The following ASPH variants were observed in gnomAD, a reference collection of about 807,000 sequenced individuals.
ASPH encodes the protein aspartyl/asparaginyl beta-hydroxylase.
Under a neutral mutation model 118.4 loss-of-function variants are expected in ASPH, and 100 were observed. The observed-to-expected ratio is 0.84, with a 90% CI of 0.72 to 1.00. The LOEUF is 1.00. Ranked by LOEUF, ASPH falls within the 50% of genes least tolerant of loss-of-function variation. The pLI is 0.00. For missense variants in ASPH, 920 were observed against 919.5 expected (o/e 1.00, Z -0.01); for synonymous variants, 315 against 325.6 (o/e 0.97, Z 0.35).
chr8:61,657,239 C>T (rs1563424236), intron 3 of ASPH: 1 of 152,128 alleles, frequency 6.6e-6, no homozygotes, highest in Non-Finnish European at 1.5e-5. Flanking sequence ...GTAAGTTACA[C>T]GTGTGTTTCG....
In ASPH at chr8:61,501,665, G is replaced by A. The variant is rs749891075; in HGVS notation, c.*1694C>T. The A allele has an allele frequency of 1.9e-4, 29 of 152,062 alleles. No individual in the cohort carries two copies. The highest frequency in any genetic ancestry group is 3.7e-4 in the Non-Finnish European group (25 of 68,014). 9.4% of individuals were successfully genotyped at this position (152,062 alleles called of 1,614,324 possible). ...TTTCAAGAGTTTGCCTTCTCTTCTC[G>A]ATTTTAGTAATTAATTTGGATATTT... On this transcript the variant is annotated 3_prime_UTR_variant, in exon 25 of 25. Transcript: ENST00000379454.
At chr8:61,612,299 G>C (rs1847649190) in intron 14 of ASPH, among the ~76,000 whole-genome samples, 1 of 150,198 alleles carries the variant, frequency 6.7e-6, no homozygotes, top group African/African-American at 2.4e-5. Flanking sequence ...GCAGAAGAAA[G>C]AATCACTGGA....
rs571074044 is a variant in ASPH, at chr8:61,704,244, C to T, written c.103+10025G>A. Among the ~76,000 whole-genome samples the T allele has an allele frequency of 5.9e-3, 712 of 120,668 alleles. 8 individuals are homozygous for T. Among genetic ancestry groups the T allele is most frequent in the African/African-American group, 0.021 (668 of 31,816 alleles). 79.2% of individuals were successfully genotyped at this position (120,668 alleles called of 152,430 possible). A position where few individuals can be genotyped will look rare whatever the true frequency, so the allele number is the denominator to read the frequency against. On this transcript the variant is annotated intron_variant, in intron 1 of 24. Transcript: ENST00000379454. ...AAAAAAAAAAAAAAACAGAGGGGCTCAGAAACAGATTTATACTTACACTGT... is the reference window on the plus strand; with the variant it reads ...AAAAAAAAAAAAAAACAGAGGGGCTTAGAAACAGATTTATACTTACACTGT...
At chr8:61,586,561 C>T (rs983383920) in intron 14 of ASPH, among the ~76,000 whole-genome samples, 9 of 152,164 alleles carry the variant, frequency 5.9e-5, no homozygotes, top group African/African-American at 2.2e-4. Context: ...TTAGCACTCA[C>T]TCTGCGCCAG....
intron 18 of ASPH, among the ~76,000 whole-genome samples, chr8:61,561,597 T>A (rs1394051947): frequency 6.6e-6 from 1 of 152,192 alleles, no homozygotes; most frequent in Non-Finnish European, 1.5e-5. Flanking sequence ...TACCAGAGTA[T>A]GAAACTGCTG....
intron 14 of ASPH, among the ~76,000 whole-genome samples, chr8:61,587,451 C>T (rs1772472748): frequency 6.6e-6 from 1 of 152,200 alleles, no homozygotes; most frequent in South Asian, 2.1e-4. Context: ...GCCTGGTGTG[C>T]AGCTGAGTAG....
intron 19 of ASPH, among the ~76,000 whole-genome samples, chr8:61,554,912 C>T (rs1449886600): frequency 2.0e-5 from 3 of 152,088 alleles, no homozygotes; most frequent in Non-Finnish European, 2.9e-5. Context: ...GGGAATCTCA[C>T]TAGGTTGCCT....
intron 1 of ASPH, 148 bp from the exon 2 acceptor site, chr8:61,684,336 C>A (rs1376337826): frequency 1.2e-6 from 1 of 819,590 alleles, no homozygotes; most frequent in Non-Finnish European, 1.8e-6. Context: ...AAACACGTCA[C>A]ACAAAATATT....
At chr8:61,618,057 T>A (rs959160072) in intron 14 of ASPH, among the ~76,000 whole-genome samples, 14 of 152,080 alleles carry the variant, frequency 9.2e-5, no homozygotes, top group African/African-American at 3.1e-4. Flanking sequence ...CCTCAACTTT[T>A]TAAACTATAT....
intron 21 of ASPH, among the ~76,000 whole-genome samples, chr8:61,540,026 G>A (rs1027069886): frequency 1.3e-5 from 2 of 152,036 alleles, no homozygotes; most frequent in African/African-American, 4.8e-5. Flanking sequence ...AAGGCACTTG[G>A]TGCTTTGATA....
intron 1 of ASPH, among the ~76,000 whole-genome samples, chr8:61,705,261 G>A (rs1296275829): frequency 6.6e-6 from 1 of 152,110 alleles, no homozygotes; most frequent in Non-Finnish European, 1.5e-5. Context: ...GAGGGTGGGA[G>A]GAAGGTGCAG....
At chr8:61,542,258 C>A (rs1433665284) in intron 21 of ASPH, among the ~76,000 whole-genome samples, 1 of 152,164 alleles carries the variant, frequency 6.6e-6, no homozygotes, top group Non-Finnish European at 1.5e-5. Flanking sequence ...TCTTGTTATT[C>A]ATTTTTAATG....
intron 1 of ASPH, among the ~76,000 whole-genome samples, chr8:61,694,839 G>A (rs777240697): frequency 3.3e-5 from 5 of 152,032 alleles, no homozygotes; most frequent in South Asian, 2.1e-4. Flanking sequence ...CTCAAATTCC[G>A]CATATACACA....
intron 15 of ASPH, among the ~76,000 whole-genome samples, chr8:61,577,945 T>C (rs1174107029): frequency 6.6e-6 from 1 of 152,126 alleles, no homozygotes; most frequent in Non-Finnish European, 1.5e-5. Flanking sequence ...CAAAACACAA[T>C]CATGCCTTTA....
At chr8:61,665,887 G>A (rs771680560) in intron 3 of ASPH, among the ~76,000 whole-genome samples, 8 of 152,024 alleles carry the variant, frequency 5.3e-5, no homozygotes, top group Non-Finnish European at 1.2e-4. Flanking sequence ...TTATAAAATT[G>A]AGGGCACCAC....
At chr8:61,510,906 A>C (rs752603345) in intron 24 of ASPH, among the ~76,000 whole-genome samples, 2 of 152,206 alleles carry the variant, frequency 1.3e-5, no homozygotes, top group Non-Finnish European at 2.9e-5. Flanking sequence ...GTGGAACAGA[A>C]GGTTTATGAT....
intron 21 of ASPH, among the ~76,000 whole-genome samples, chr8:61,546,816 AGAAAAATTAT>A (rs1586860149): frequency 6.6e-6 from 1 of 152,246 alleles, no homozygotes; most frequent in East Asian, 1.9e-4. Context: ...GTTACTTAAA[AGAAAAATTAT>A]GAAAAATTTC....
chr8:61,628,467 C>T, intron 13 of ASPH: 2 of 227,980 alleles, frequency 8.8e-6, no homozygotes, highest in Non-Finnish European at 1.8e-5. Flanking sequence ...CTGTGCCCAG[C>T]AGATCAACAC....
chr8:61,577,009 C>A (rs1235074596), intron 15 of ASPH, 151 bp from the exon 16 acceptor site: 4 of 630,980 alleles, frequency 6.3e-6, no homozygotes, highest in African/African-American at 1.8e-5. Flanking sequence ...TTAAAAAAAG[C>A]TATATTAAGG....
Sources: gnomAD v4.1 joint callset for allele counts (sites outside exome capture counted in the v4.1 genomes callset) on GRCh38, gnomAD v4.1.1 for gene constraint, MANE v1.5 for transcripts, NCBI Gene and HGNC (gene_info 2026-07-23, HGNC 2026-07-21) for gene names.